The following ERBB4 variants were observed in gnomAD, a reference collection of about 807,000 sequenced individuals.
The protein encoded by ERBB4 is receptor tyrosine-protein kinase erbB-4.
A neutral mutation model predicts 158.0 loss-of-function variants in ERBB4; 42 were observed. The observed-to-expected ratio is 0.27, with a 90% CI of 0.21 to 0.34. The LOEUF (loss-of-function observed/expected upper bound fraction) is 0.34. ERBB4 is among the 10% of genes least tolerant of loss of function. The probability of loss-of-function intolerance (pLI) is 1.00; values close to 1 mark genes in which losing one functional copy is unlikely to be tolerated. For synonymous variants in ERBB4, 583 were observed against 558.7 expected, an observed-to-expected ratio of 1.04 and a Z score of -0.61; for missense variants, 1,333 against 1,624.1, an observed-to-expected ratio of 0.82 and a Z score of 3.08.
intron 2 of ERBB4, among the ~76,000 whole-genome samples, chr2:211,983,001 C>T (rs540155469): frequency 1.8e-4 from 28 of 152,234 alleles, no homozygotes; most frequent in African/African-American, 6.3e-4. Flanking sequence ...TATATATTGA[C>T]GTGAGTCATG....
intron 1 of ERBB4, among the ~76,000 whole-genome samples, chr2:212,238,373 A>G (rs182698219): frequency 7.9e-5 from 12 of 152,228 alleles, no homozygotes; most frequent in Admixed American, 5.2e-4. Context: ...GCAACACCCT[A>G]TCCTGCTTCA....
intron 19 of ERBB4, among the ~76,000 whole-genome samples, chr2:211,586,803 C>T (rs2068292769): frequency 6.6e-6 from 1 of 152,146 alleles, no homozygotes; most frequent in African/African-American, 2.4e-5. Flanking sequence ...ATACAAAATA[C>T]ACTTCAGTCA....
intron 3 of ERBB4, among the ~76,000 whole-genome samples, chr2:211,796,924 C>G (rs2076395236): frequency 6.6e-6 from 1 of 151,742 alleles, no homozygotes; most frequent in Non-Finnish European, 1.5e-5. Context: ...GAAAATGACA[C>G]TTTAAAATGT....
chr2:212,245,309 T>C (rs942128269), intron 1 of ERBB4, among the ~76,000 whole-genome samples: 4 of 152,186 alleles, frequency 2.6e-5, no homozygotes, highest in African/African-American at 9.6e-5. Context: ...TGTAAAATAT[T>C]GATCACATTG....
chr2:211,793,337 G>A (rs1043773459), intron 3 of ERBB4, among the ~76,000 whole-genome samples: 4 of 151,800 alleles, frequency 2.6e-5, no homozygotes. Flanking sequence ...GTATATCTAA[G>A]TATTTTGTTT....
chr2:212,370,883 T>G (rs2090061629), intron 1 of ERBB4, among the ~76,000 whole-genome samples: 1 of 152,160 alleles, frequency 6.6e-6, no homozygotes, highest in Non-Finnish European at 1.5e-5. Flanking sequence ...TTCAAATACC[T>G]AAAATTTTAT....
intron 2 of ERBB4, among the ~76,000 whole-genome samples, chr2:212,106,514 AG>A (rs2079231865): frequency 6.6e-6 from 1 of 152,236 alleles, no homozygotes; most frequent in African/African-American, 2.4e-5. Context: ...AGAGCATAAA[AG>A]TTTGGAAAAT....
intron 1 of ERBB4, among the ~76,000 whole-genome samples, chr2:212,192,007 A>G (rs969728046): frequency 0.016 from 1,609 of 99,086 alleles, 24 homozygotes; most frequent in African/African-American, 0.061. Context: ...TGTTATATAT[A>G]ATATATGTTA....
chr2:211,913,926 A>G (rs997263699), intron 3 of ERBB4, among the ~76,000 whole-genome samples: 2 of 151,688 alleles, frequency 1.3e-5, no homozygotes, highest in African/African-American at 4.8e-5. Flanking sequence ...TAATTTAACA[A>G]GATAAGATGT....
At chr2:212,131,204 C>T (rs1575677230) in intron 1 of ERBB4, among the ~76,000 whole-genome samples, 1 of 152,310 alleles carries the variant, frequency 6.6e-6, no homozygotes, top group Admixed American at 6.5e-5. Context: ...TAATCCAAAA[C>T]ACTGCTATCC....
chr2:211,987,906 T>C (rs1291456554), intron 2 of ERBB4, among the ~76,000 whole-genome samples: 1 of 152,174 alleles, frequency 6.6e-6, no homozygotes, highest in African/African-American at 2.4e-5. Flanking sequence ...TAAAGTAATT[T>C]ATACAGTTCA....
chr2:212,534,707 G>C (rs1012431281), intron 1 of ERBB4, among the ~76,000 whole-genome samples: 4 of 152,106 alleles, frequency 2.6e-5, no homozygotes, highest in African/African-American at 9.7e-5. Context: ...TGTAAAGAGA[G>C]AATCTATAGT....
intron 1 of ERBB4, among the ~76,000 whole-genome samples, chr2:212,490,530 C>T (rs1218432218): frequency 6.6e-6 from 1 of 151,694 alleles, no homozygotes; most frequent in African/African-American, 2.4e-5. Flanking sequence ...AAACCAGAGT[C>T]CTCACTATTT....
At chr2:211,852,672 G>T (rs1353258695) in intron 3 of ERBB4, among the ~76,000 whole-genome samples, 3 of 136,898 alleles carry the variant, frequency 2.2e-5, no homozygotes, top group Admixed American at 7.4e-5. Context: ...TCACTAAGCT[G>T]TCTATCCACT....
intron 20 of ERBB4, among the ~76,000 whole-genome samples, chr2:211,465,558 A>C (rs927216112): frequency 6.6e-6 from 1 of 152,102 alleles, no homozygotes; most frequent in African/African-American, 2.4e-5. Context: ...CACCTACTTC[A>C]CTTACTTTTG....
chr2:211,977,474 C>G (rs995811877), intron 2 of ERBB4, among the ~76,000 whole-genome samples: 2 of 140,996 alleles, frequency 1.4e-5, no homozygotes, highest in Non-Finnish European at 3.0e-5. Flanking sequence ...CTCAGAGTGC[C>G]TTTTTTCCCT....
chr2:212,104,206 G>T (rs988030923), intron 2 of ERBB4, among the ~76,000 whole-genome samples: 2 of 151,856 alleles, frequency 1.3e-5, no homozygotes, highest in Non-Finnish European at 2.9e-5. Context: ...ATTTCCCATT[G>T]CACTGAGCTC....
chr2:211,937,004 A>G (rs1202342180), intron 3 of ERBB4, among the ~76,000 whole-genome samples: 4 of 152,200 alleles, frequency 2.6e-5, no homozygotes, highest in Admixed American at 1.3e-4. Context: ...TAGCTATGTT[A>G]TAATTCTAGA....
At chr2:212,345,653 T>C (rs1276158874) in intron 1 of ERBB4, among the ~76,000 whole-genome samples, 1 of 152,220 alleles carries the variant, frequency 6.6e-6, no homozygotes, top group Non-Finnish European at 1.5e-5. Flanking sequence ...ATAGTTATTC[T>C]CTATTAACAG....
Sources: allele counts gnomAD v4.1 joint callset (sites outside exome capture counted in the v4.1 genomes callset), GRCh38; gene constraint gnomAD v4.1.1; transcripts MANE v1.5; gene names NCBI Gene and HGNC (gene_info 2026-07-23, HGNC 2026-07-21).